Variants in ILRUN observed in about 807,000 individuals in gnomAD.
The protein encoded by ILRUN is protein ILRUN.
In ILRUN, 3 loss-of-function variants were observed where a neutral mutation model predicts 33.8. The observed-to-expected ratio is 0.09, with a 90% CI of 0.04 to 0.23. The LOEUF (loss-of-function observed/expected upper bound fraction) is 0.23, where lower values mean the gene tolerates loss of function less well. Among genes scored for constraint, ILRUN ranks in the 10% least tolerant of loss-of-function variants. The pLI is 1.00. For synonymous variants in ILRUN, 124 were observed against 138.9 expected (o/e 0.89, Z 0.75); for missense variants, 210 against 375.1 (o/e 0.56, Z 3.64).
Position 34,691,145 on chromosome 6 carries a change from C to T in ILRUN, c.158+5301G>A, listed in dbSNP as rs532083560. Among the ~76,000 whole-genome samples the T allele has an allele frequency of 3.2e-3, 493 of 152,212 alleles. 1 individual carries two copies. The highest frequency in any genetic ancestry group is 0.011 in the African/African-American group (438 of 41,536). ...CCTCATGATCCGTCCGCCTCGGCCT[C>T]CCAAAGTGCTGGGATTACAGGTGTG... On this transcript the variant is annotated intron_variant, in intron 1 of 4. Transcript: ENST00000374023.
At chr6:34,630,808 C>T (rs1469269783) in intron 3 of ILRUN, among the ~76,000 whole-genome samples, 1 of 146,140 alleles carries the variant, frequency 6.8e-6, no homozygotes, top group Non-Finnish European at 1.5e-5. Context: ...CATCACTGTA[C>T]CTGGCTTGTT....
chr6:34,614,109 T>C (rs983426827), intron 3 of ILRUN, among the ~76,000 whole-genome samples: 11 of 152,094 alleles, frequency 7.2e-5, no homozygotes, highest in Non-Finnish European at 1.5e-4. Context: ...TAAGTCACAA[T>C]CCAAAGTATA....
Position 34,588,146 on chromosome 6 carries a change from C to T in ILRUN, c.*2419G>A. On this transcript the variant is annotated 3_prime_UTR_variant, in exon 5 of 5. Coordinates refer to ENST00000374023, the MANE Select transcript of ILRUN (RefSeq NM_024294.4). ...GAAGCCATGGACCCCTCTGCCTGCA[C>T]TCCATGACTTGCACTTACTCTGGCC... 2.5e-6 allele frequency: 1 copy of T among 398,968 alleles called. No homozygotes were observed. Among genetic ancestry groups the T allele is most frequent in the Non-Finnish European group, 4.4e-6 (1 of 226,324 alleles). The allele number at this position is 398,968 out of a possible 1,614,324, so 24.7% of individuals were successfully genotyped here.
At chr6:34,674,087 G>A (rs1325531441) in intron 1 of ILRUN, among the ~76,000 whole-genome samples, 2 of 152,162 alleles carry the variant, frequency 1.3e-5, no homozygotes, top group African/African-American at 2.4e-5. Context: ...GAGGGCAGTG[G>A]TGCGATCTTG....
chr6:34,683,076 G>A (rs1231994465), intron 1 of ILRUN, among the ~76,000 whole-genome samples: 1 of 150,906 alleles, frequency 6.6e-6, no homozygotes, highest in Non-Finnish European at 1.5e-5. Flanking sequence ...AACAAAAACA[G>A]GACGTTGCCT....
At position 34,593,181 on chromosome 6, in the gene ILRUN, A is replaced by T. The variant is rs1211337993; in HGVS notation, c.862-2581T>A. On this transcript the variant is annotated intron_variant, in intron 4 of 4. Transcript: ENST00000374023. ...GAGACAGAGTAAGACCTTCTCTCTT[A>T]AAACAAAGTCACAGGTTCTGAGGGT... Among the ~76,000 whole-genome samples, 10 of 152,298 alleles carry T rather than the reference A, an allele frequency of 6.6e-5. No homozygotes were observed. In the South Asian group the frequency reaches 1.9e-3, roughly 28 times the overall value.
intron 3 of ILRUN, among the ~76,000 whole-genome samples, chr6:34,615,699 G>C (rs1761875236): frequency 6.6e-6 from 1 of 152,168 alleles, no homozygotes; most frequent in Non-Finnish European, 1.5e-5. Context: ...GCGAGGGGTA[G>C]AACAAGGTTG....
At chr6:34,619,202 G>T (rs1463885280) in intron 3 of ILRUN, among the ~76,000 whole-genome samples, 1 of 152,176 alleles carries the variant, frequency 6.6e-6, no homozygotes, top group Non-Finnish European at 1.5e-5. Context: ...AGATGAGGAA[G>T]AAGCTAGAAG....
chr6:34,645,909 CAG>C (rs1396443493), intron 3 of ILRUN, among the ~76,000 whole-genome samples: 1 of 152,096 alleles, frequency 6.6e-6, no homozygotes, highest in Non-Finnish European at 1.5e-5. Context: ...AGAGAAAGAA[CAG>C]AGAAGAGGAA....
intron 4 of ILRUN, chr6:34,595,785 A>G (rs1761387606): frequency 2.0e-6 from 2 of 985,352 alleles, no homozygotes; most frequent in East Asian, 2.3e-4. Flanking sequence ...GTTAATAAAA[A>G]GACAAGCAAG....
In ILRUN at chr6:34,696,668, C is replaced by T. The variant is rs1763786278; in HGVS notation, c.-65G>A. The T allele has an allele frequency of 1.3e-6, 2 of 1,553,410 alleles. No homozygotes were observed. Among genetic ancestry groups the T allele is most frequent in the Non-Finnish European group, 1.7e-6 (2 of 1,152,956 alleles). Reference sequence around the variant, plus strand: ...CAAGCCGCCGCCGCGCCGCCGGGCCCGGGGACCTGGAGGGGGGCCGCTGCT... The same window carrying T: ...CAAGCCGCCGCCGCGCCGCCGGGCCTGGGGACCTGGAGGGGGGCCGCTGCT... On this transcript the variant is annotated 5_prime_UTR_variant, in exon 1 of 5. Transcript: ENST00000374023.
At position 34,688,676 on chromosome 6, in the gene ILRUN, G is replaced by C. The variant is rs148339377; in HGVS notation, c.158+7770C>G. ...AAAAATACAAAAATTAGCCAGGCGT[G>C]ATCTTGCACGCCTGTAATCCCAGAT... On this transcript the variant is annotated intron_variant, in intron 1 of 4. Transcript: ENST00000374023. Among the ~76,000 whole-genome samples, 128 of 152,210 alleles carry C rather than the reference G, an allele frequency of 8.4e-4. 1 individual carries two copies. The highest frequency in any genetic ancestry group is 2.8e-3 in the African/African-American group (117 of 41,540).
Position 34,588,262 on chromosome 6 carries a change from G to A in ILRUN, c.*2303C>T. 2.5e-6 allele frequency: 1 copy of A among 398,716 alleles called. No homozygotes were observed. The highest frequency in any genetic ancestry group is 1.3e-4 in the South Asian group (1 of 7,862). 24.7% of individuals were successfully genotyped at this position (398,716 alleles called of 1,614,324 possible). A position where few individuals can be genotyped will look rare whatever the true frequency, so the allele number is the denominator to read the frequency against. The stretch of plus-strand genomic sequence containing the variant: ...ACAAGGTGCTTGGGACATTTAACTT[G>A]CCAAGTGTGGTTGCCTAGAAGCAAG... On this transcript the variant is annotated 3_prime_UTR_variant, in exon 5 of 5. Transcript: ENST00000374023.
intron 3 of ILRUN, among the ~76,000 whole-genome samples, chr6:34,624,345 T>C (rs1479536896): frequency 2.6e-5 from 4 of 152,192 alleles, no homozygotes; most frequent in Non-Finnish European, 4.4e-5. Flanking sequence ...TTTTTTTTGA[T>C]GAAGTTTCAC....
chr6:34,656,235 C>CAAA (rs562655955), intron 1 of ILRUN, among the ~76,000 whole-genome samples: 2 of 61,816 alleles, frequency 3.2e-5, no homozygotes, highest in African/African-American at 5.6e-5. Context: ...GACTCCGTCT[C>CAAA]AAAAAAAAAA....
intron 2 of ILRUN, among the ~76,000 whole-genome samples, chr6:34,651,550 T>C (rs895689035): frequency 1.3e-5 from 2 of 152,096 alleles, no homozygotes; most frequent in Non-Finnish European, 2.9e-5. Flanking sequence ...TGCCACAAGA[T>C]GGTATTTAAA....
At chr6:34,673,858 C>T (rs890792848) in intron 1 of ILRUN, among the ~76,000 whole-genome samples, 3 of 149,048 alleles carry the variant, frequency 2.0e-5, no homozygotes, top group Non-Finnish European at 3.0e-5. Flanking sequence ...CACACACACA[C>T]GCTGGGTGAC....
At chr6:34,625,527 T>C (rs1762106102) in intron 3 of ILRUN, among the ~76,000 whole-genome samples, 1 of 152,190 alleles carries the variant, frequency 6.6e-6, no homozygotes, top group Admixed American at 6.5e-5. Context: ...TGATCTGTGA[T>C]GGTTAGCTAC....
At chr6:34,616,051 AG>A (rs978672040) in intron 3 of ILRUN, among the ~76,000 whole-genome samples, 1 of 152,208 alleles carries the variant, frequency 6.6e-6, no homozygotes, top group African/African-American at 2.4e-5. Context: ...GGGAAAGGTC[AG>A]GGGACTTGGG....
Sources: allele counts gnomAD v4.1 joint callset (sites outside exome capture counted in the v4.1 genomes callset), GRCh38; gene constraint gnomAD v4.1.1; transcripts MANE v1.5; gene names NCBI Gene and HGNC (gene_info 2026-07-23, HGNC 2026-07-21).